Variants in CUTC observed in about 807,000 individuals in gnomAD.
The protein encoded by CUTC is cutC copper transporter, also known as copper homeostasis protein cutC homolog.
Under a neutral mutation model 36.2 loss-of-function variants are expected in CUTC, and 27 were observed. The ratio of observed to expected loss-of-function variants is 0.75; its 90% CI spans 0.55 to 1.03. CUTC has a LOEUF of 1.03. CUTC is among the 50% of genes least tolerant of loss of function. The pLI, the probability that CUTC is intolerant of heterozygous loss-of-function variation, is 0.00. For synonymous variants in CUTC, 114 were observed against 118.3 expected (o/e 0.96, Z 0.24); for missense variants, 315 against 343.5 (o/e 0.92, Z 0.66).
intron 8 of CUTC, among the ~76,000 whole-genome samples, chr10:99,755,014 A>G (rs557300385): frequency 7.6e-4 from 115 of 152,128 alleles, no homozygotes; most frequent in African/African-American, 2.6e-3. Context: ...TCTCCCTCCT[A>G]CCTTTAGTAC....
chr10:99,750,496 A>G (rs953173022), intron 7 of CUTC, 100 bp downstream of exon 7: 1 of 733,134 alleles, frequency 1.4e-6, no homozygotes. Context: ...AGTACATTAC[A>G]TATTAGTACA....
intron 2 of CUTC, among the ~76,000 whole-genome samples, chr10:99,737,470 T>A (rs1564655273): frequency 6.6e-6 from 1 of 152,088 alleles, no homozygotes; most frequent in Admixed American, 6.6e-5. Flanking sequence ...TAATAGTTGC[T>A]TAGGGCTGAG....
At position 99,743,949 on chromosome 10, in the gene CUTC, A is replaced by C. The variant is rs992672692; in HGVS notation, c.404-88A>C. On this transcript the variant is annotated intron_variant, in intron 4 of 8. Transcript: ENST00000370476. The stretch of plus-strand genomic sequence containing the variant: ...GTCTTGTTAGGCGAAGAAAGTATTA[A>C]AAAGTTTCAGCTAACATGGAGAATT... The C allele has an allele frequency of 7.7e-6, 8 of 1,038,666 alleles. No individual in the cohort carries two copies. The African/African-American group carries it at 1.2e-4, about 15-fold the overall frequency. 64.3% of individuals were successfully genotyped at this position (1,038,666 alleles called of 1,614,324 possible).
At chr10:99,733,101 G>C (rs1478547042) in intron 1 of CUTC, among the ~76,000 whole-genome samples, 2 of 152,108 alleles carry the variant, frequency 1.3e-5, no homozygotes, top group Non-Finnish European at 2.9e-5. Flanking sequence ...CTGAGCTCAG[G>C]AGTTCGAGAC....
chr10:99,752,246 G>A (rs1455247831), intron 7 of CUTC, among the ~76,000 whole-genome samples: 5 of 152,106 alleles, frequency 3.3e-5, no homozygotes, highest in Non-Finnish European at 7.4e-5. Flanking sequence ...GTTGGGCATG[G>A]TGGCGTGCTC....
chr10:99,742,363 A>T (rs2037347743), intron 3 of CUTC, among the ~76,000 whole-genome samples: 1 of 152,278 alleles, frequency 6.6e-6, no homozygotes, highest in Middle Eastern at 3.4e-3. Flanking sequence ...TTGTATACAC[A>T]ACAGCCCTTT....
intron 1 of CUTC, among the ~76,000 whole-genome samples, chr10:99,733,769 T>C (rs950533842): frequency 1.3e-4 from 20 of 152,342 alleles, no homozygotes; most frequent in African/African-American, 4.8e-4. Flanking sequence ...TCTGGACTAC[T>C]ACACTTTGAG....
intron 8 of CUTC, among the ~76,000 whole-genome samples, chr10:99,755,358 T>TA (rs1429174290): frequency 7.9e-6 from 1 of 126,124 alleles, no homozygotes; most frequent in African/African-American, 3.0e-5. Context: ...GGCGTGGTGA[T>TA]ACATGCCTGT....
chr10:99,736,132 T>G (rs2037294803), intron 1 of CUTC, 114 bp from the exon 2 acceptor site: 1 of 756,868 alleles, frequency 1.3e-6, no homozygotes, highest in Non-Finnish European at 2.3e-6. Flanking sequence ...TGTACTTATC[T>G]ATTACCTGTT....
intron 6 of CUTC, among the ~76,000 whole-genome samples, chr10:99,748,749 A>G (rs1487815000): frequency 6.6e-6 from 1 of 152,176 alleles, no homozygotes; most frequent in African/African-American, 2.4e-5. Flanking sequence ...GATGTTTGGG[A>G]GTTATCTGTG....
chr10:99,746,661 T>G (rs1158950131), intron 5 of CUTC, among the ~76,000 whole-genome samples: 1 of 152,198 alleles, frequency 6.6e-6, no homozygotes, highest in African/African-American at 2.4e-5. Flanking sequence ...GTATGTAGAC[T>G]GTGGTGTGCT....
chr10:99,741,580 TC>T (rs1253404371), intron 3 of CUTC, among the ~76,000 whole-genome samples: 24 of 152,158 alleles, frequency 1.6e-4, no homozygotes, highest in African/African-American at 5.8e-4. Context: ...TTCCTTTTTT[TC>T]TTTTGACAGG....
chr10:99,739,301 C>G (rs1430233877), intron 2 of CUTC, among the ~76,000 whole-genome samples: 2 of 152,058 alleles, frequency 1.3e-5, no homozygotes, highest in African/African-American at 4.8e-5. Flanking sequence ...GGTTTAGCTA[C>G]TCAAAAGTAG....
Position 99,755,889 on chromosome 10 carries a change from G to A in CUTC, c.*150G>A. 1.8e-6 allele frequency: 1 copy of A among 559,000 alleles called. No homozygotes were observed. The allele number at this position is 559,000 out of a possible 1,614,324, so 34.6% of individuals were successfully genotyped here. A position where few individuals can be genotyped will look rare whatever the true frequency, so the allele number is the denominator to read the frequency against. ...ACATGGCCATGGAGAATGTGCCCAA[G>A]AAGAAAAAGAATTTGAAACAGAGAT... is the stretch of plus-strand genomic sequence containing the variant. On this transcript the variant is annotated 3_prime_UTR_variant, in exon 9 of 9. Transcript: ENST00000370476.
intron 6 of CUTC, among the ~76,000 whole-genome samples, 181 bp from the exon 7 acceptor site, chr10:99,750,188 T>G (rs1234799015): frequency 6.6e-6 from 1 of 152,110 alleles, no homozygotes; most frequent in African/African-American, 2.4e-5. Context: ...AAATTTACTA[T>G]GCTGGACATC....
intron 1 of CUTC, among the ~76,000 whole-genome samples, chr10:99,733,999 A>T (rs911675706): frequency 4.6e-5 from 7 of 152,040 alleles, no homozygotes; most frequent in African/African-American, 1.2e-4. Flanking sequence ...GGAGTTAATA[A>T]TGCAGAGCTG....
At chr10:99,747,721 G>T (rs1159418736) in intron 6 of CUTC, among the ~76,000 whole-genome samples, 1 of 151,954 alleles carries the variant, frequency 6.6e-6, no homozygotes, top group Non-Finnish European at 1.5e-5. Flanking sequence ...AGGTCTTGCT[G>T]TGTTGCCCAG....
chr10:99,754,835 A>AG (rs572585930), intron 8 of CUTC, among the ~76,000 whole-genome samples: 200 of 152,358 alleles, frequency 1.3e-3, no homozygotes, highest in African/African-American at 4.6e-3. Context: ...CTTTGAACAT[A>AG]GGTGAACCTT....
At chr10:99,736,356 T>G (rs376445261) in intron 2 of CUTC, 39 bp downstream of exon 2, 1 of 1,462,562 alleles carries the variant, frequency 6.8e-7, no homozygotes, top group Non-Finnish European at 9.6e-7. Flanking sequence ...TTGGCTACCC[T>G]TTTAAGAGTC....
Sources: allele counts gnomAD v4.1 joint callset (sites outside exome capture counted in the v4.1 genomes callset), GRCh38; gene constraint gnomAD v4.1.1; transcripts MANE v1.5; gene names NCBI Gene and HGNC (gene_info 2026-07-23, HGNC 2026-07-21).